Variants in AMZ1 observed in about 807,000 individuals in gnomAD.
The protein encoded by AMZ1 is archaelysin family metallopeptidase 1.
AMZ1 carries 39 observed loss-of-function variants against 29.9 expected under a neutral mutation model. That is an observed-to-expected ratio of 1.30 (90% CI 1.01 to 1.70). The LOEUF is 1.70. Among genes scored for constraint, AMZ1 ranks in the 40% most tolerant of loss-of-function variants. The pLI is 0.00. For synonymous variants in AMZ1, 458 were observed against 304.0 expected, an observed-to-expected ratio of 1.51 and a Z score of -5.27; for missense variants, 1,041 against 680.6, an observed-to-expected ratio of 1.53 and a Z score of -5.89.
chr7:2,732,537 C>A (rs1789950344), intron 4 of AMZ1, among the ~76,000 whole-genome samples: 1 of 152,080 alleles, frequency 6.6e-6, no homozygotes, highest in Non-Finnish European at 1.5e-5. Flanking sequence ...CAGAGTGAGA[C>A]CCTGTCTCAA....
At chr7:2,733,156 T>C (rs798527) in intron 4 of AMZ1, among the ~76,000 whole-genome samples, 88,610 of 152,010 alleles carry the variant, frequency 0.58, 26,113 homozygotes, top group Admixed American at 0.63. Context: ...AGACTATTTG[T>C]TTTTGAGTAT....
At position 2,696,984 on chromosome 7, in the gene AMZ1, A is replaced by C. The variant is rs192773398; in HGVS notation, c.-218-3250A>C. ...TTTGCAATACAAATCACGATCCTTC[A>C]AACATCCACATGTGGAATTTTCCCT... On this transcript the variant is annotated intron_variant, in intron 1 of 6. Coordinates refer to ENST00000683327, the MANE Select transcript of AMZ1 (RefSeq NM_001384743.1). 2.3e-3 allele frequency among the ~76,000 whole-genome samples: 348 copies of C among 152,360 alleles called. 8 individuals are homozygous for C. Among genetic ancestry groups the C allele is most frequent in the Non-Finnish European group, 3.1e-4 (21 of 68,040 alleles).
At chr7:2,751,857 T>C (rs1228736385) in intron 4 of AMZ1, among the ~76,000 whole-genome samples, 1 of 152,136 alleles carries the variant, frequency 6.6e-6, no homozygotes, top group Non-Finnish European at 1.5e-5. Flanking sequence ...CTGGATTTGT[T>C]CTAAAACAAC....
intron 4 of AMZ1, chr7:2,728,223 G>A (rs896601440): frequency 6.6e-6 from 1 of 152,278 alleles, no homozygotes; most frequent in Non-Finnish European, 1.5e-5. Context: ...CTTACACCAT[G>A]AACAACTGAC....
At chr7:2,724,660 C>T (rs1444446089), downstream of AMZ1, among the ~76,000 whole-genome samples, 2 of 152,114 alleles carry the variant, frequency 1.3e-5, no homozygotes, top group Admixed American at 6.6e-5. Context: ...AACACACATC[C>T]GAAAGAAAAC....
intron 6 of AMZ1, among the ~76,000 whole-genome samples, chr7:2,710,473 G>C (rs1788701915): frequency 6.6e-6 from 1 of 152,218 alleles, no homozygotes; most frequent in South Asian, 2.1e-4. Flanking sequence ...AACCGCGCTG[G>C]AAAGCCCCTG....
intron 4 of AMZ1, among the ~76,000 whole-genome samples, chr7:2,737,778 T>C (rs1380303417): frequency 6.6e-6 from 1 of 152,234 alleles, no homozygotes; most frequent in Non-Finnish European, 1.5e-5. Flanking sequence ...AACAGCAAAC[T>C]ATGCCAAAGG....
chr7:2,750,892 G>A (rs951874176), intron 4 of AMZ1, among the ~76,000 whole-genome samples: 3 of 152,198 alleles, frequency 2.0e-5, no homozygotes, highest in Admixed American at 2.0e-4. Context: ...ATATGAGGGT[G>A]CGAATGGAAA....
downstream of AMZ1, among the ~76,000 whole-genome samples, chr7:2,721,715 CAA>C (rs35321742): frequency 3.8e-4 from 48 of 125,014 alleles, no homozygotes; most frequent in Admixed American, 6.4e-4. Context: ...GACTACGTCT[CAA>C]AAAAAAAAAA....
At chr7:2,726,179 G>T (rs1789608437) in intron 4 of AMZ1, among the ~76,000 whole-genome samples, 2 of 152,194 alleles carry the variant, frequency 1.3e-5, no homozygotes, top group Admixed American at 1.3e-4. Context: ...CTGCATGTGC[G>T]TGAGGAAAGA....
chr7:2,724,251 C>T (rs1052667630), downstream of AMZ1, among the ~76,000 whole-genome samples: 6 of 152,226 alleles, frequency 3.9e-5, no homozygotes, highest in African/African-American at 7.2e-5. Flanking sequence ...ACGAGCTACA[C>T]GGTCTAAGCC....
intron 4 of AMZ1, among the ~76,000 whole-genome samples, chr7:2,738,304 T>C (rs1367413198): frequency 2.0e-5 from 3 of 148,560 alleles, no homozygotes; most frequent in Non-Finnish European, 4.5e-5. Context: ...AAAAATTAGG[T>C]AACAGATTCA....
intron 4 of AMZ1, among the ~76,000 whole-genome samples, chr7:2,751,285 G>C (rs944432547): frequency 3.9e-5 from 6 of 151,940 alleles, no homozygotes; most frequent in African/African-American, 1.5e-4. Flanking sequence ...ACTCAGCAGG[G>C]GGAGCTGAGG....
chr7:2,746,419 C>G (rs1239009549), intron 4 of AMZ1, among the ~76,000 whole-genome samples: 3 of 152,184 alleles, frequency 2.0e-5, no homozygotes, highest in Non-Finnish European at 4.4e-5. Context: ...TAAATGACTA[C>G]TGGGTACATA....
At chr7:2,743,567 T>C (rs990001166) in intron 4 of AMZ1, among the ~76,000 whole-genome samples, 1 of 152,130 alleles carries the variant, frequency 6.6e-6, no homozygotes, top group Non-Finnish European at 1.5e-5. Context: ...GGATCCAAGA[T>C]GGCCGAATAG....
intron 4 of AMZ1, among the ~76,000 whole-genome samples, chr7:2,741,677 C>T (rs1436648032): frequency 6.6e-6 from 1 of 151,994 alleles, no homozygotes; most frequent in African/African-American, 2.4e-5. Context: ...CTTTATCCTT[C>T]GCTCGCTCTC....
intron 4 of AMZ1, among the ~76,000 whole-genome samples, chr7:2,734,876 C>T (rs1228825606): frequency 6.6e-6 from 1 of 152,192 alleles, no homozygotes; most frequent in African/African-American, 2.4e-5. Context: ...CCCAGCTCTG[C>T]AGTAGGGAAG....
chr7:2,680,102 C>T (rs536571241), intron 1 of AMZ1, among the ~76,000 whole-genome samples: 11 of 152,264 alleles, frequency 7.2e-5, no homozygotes, highest in Non-Finnish European at 1.3e-4. Flanking sequence ...AGTCTATAGC[C>T]GGCCTGGGTG....
chr7:2,692,879 T>A (rs1486027775), intron 1 of AMZ1, among the ~76,000 whole-genome samples: 3 of 152,148 alleles, frequency 2.0e-5, no homozygotes, highest in African/African-American at 7.2e-5. Flanking sequence ...CCCCAATTTG[T>A]TCCAGCCACA....
Sources: gnomAD v4.1 joint callset for allele counts (sites outside exome capture counted in the v4.1 genomes callset) on GRCh38, gnomAD v4.1.1 for gene constraint, MANE v1.5 for transcripts, NCBI Gene and HGNC (gene_info 2026-07-23, HGNC 2026-07-21) for gene names.